CNOT8: variants seen among roughly 807,000 people sequenced by gnomAD.
CNOT8 encodes the protein CCR4-NOT transcription complex subunit 8.
In CNOT8, 18 loss-of-function variants were observed where a neutral mutation model predicts 34.6. The observed-to-expected ratio is 0.52, with a 90% CI of 0.36 to 0.77. CNOT8 has a LOEUF of 0.77. CNOT8 is among the 30% of genes least tolerant of loss of function. The pLI is 0.00. For synonymous variants in CNOT8, 101 were observed against 118.8 expected, an observed-to-expected ratio of 0.85 and a Z score of 0.98; for missense variants, 189 against 347.9, an observed-to-expected ratio of 0.54 and a Z score of 3.63.
At chr5:154,870,962 C>T in intron 4 of CNOT8, 140 bp downstream of exon 4, 1 of 732,988 alleles carries the variant, frequency 1.4e-6, no homozygotes, top group Non-Finnish European at 2.3e-6. Flanking sequence ...GCTTGTTGCC[C>T]ATGTTTCAGT....
intron 2 of CNOT8, among the ~76,000 whole-genome samples, chr5:154,863,724 A>C (rs547927996): frequency 6.6e-6 from 1 of 152,368 alleles, no homozygotes; most frequent in African/African-American, 2.4e-5. Flanking sequence ...TGAAATATCA[A>C]GGTAGCCAGT....
At chr5:154,865,495 G>A in intron 3 of CNOT8, 110 bp downstream of exon 3, 2 of 640,016 alleles carry the variant, frequency 3.1e-6, no homozygotes, top group Non-Finnish European at 5.0e-6. Context: ...ATCTCAGCAA[G>A]TGAAGTCCTG....
chr5:154,868,049 GCCTCA>G (rs1762070510), intron 3 of CNOT8, among the ~76,000 whole-genome samples: 4 of 151,514 alleles, frequency 2.6e-5, no homozygotes, highest in African/African-American at 9.7e-5. Context: ...CAGTTCTCCT[GCCTCA>G]GCCTCCCGAG....
chr5:154,870,854 A>T, intron 4 of CNOT8, 32 bp downstream of exon 4: 1 of 1,564,026 alleles, frequency 6.4e-7, no homozygotes, highest in Non-Finnish European at 8.7e-7. Context: ...TTTCTCTCTC[A>T]CTTTGGGCTA....
At chr5:154,871,984 G>A (rs975771827) in intron 5 of CNOT8, 110 bp downstream of exon 5, 2 of 866,220 alleles carry the variant, frequency 2.3e-6, no homozygotes, top group East Asian at 2.6e-5. Flanking sequence ...AGATGCTAGT[G>A]TGGTGGTAGA....
chr5:154,870,887 C>A (rs1762425653), intron 4 of CNOT8, 65 bp downstream of exon 4: 1 of 1,442,468 alleles, frequency 6.9e-7, no homozygotes, highest in Non-Finnish European at 9.5e-7. Flanking sequence ...GAATTGAATT[C>A]TTAGTCATTT....
chr5:154,869,280 C>T (rs816724), intron 3 of CNOT8, among the ~76,000 whole-genome samples: 1,897 of 151,846 alleles, frequency 0.012, 21 homozygotes, highest in Non-Finnish European at 0.015. Flanking sequence ...CCACCACGCC[C>T]TGCTAATTTT....
chr5:154,860,977 T>G (rs1261662294), intron 1 of CNOT8, among the ~76,000 whole-genome samples: 2 of 152,112 alleles, frequency 1.3e-5, no homozygotes, highest in South Asian at 4.1e-4. Context: ...AACTCAGGAG[T>G]GATACACCCA....
intron 3 of CNOT8, among the ~76,000 whole-genome samples, chr5:154,869,616 G>GT (rs199934193): frequency 3.0e-4 from 37 of 121,730 alleles, no homozygotes; most frequent in African/African-American, 8.9e-4. Flanking sequence ...GCTAATTTTT[G>GT]TTTTTTTGTG....
intron 3 of CNOT8, among the ~76,000 whole-genome samples, chr5:154,869,663 TC>T (rs1369811103): frequency 6.7e-6 from 1 of 149,150 alleles, no homozygotes; most frequent in Non-Finnish European, 1.5e-5. Context: ...TCTCGCTCTG[TC>T]ATCAGGCTGG....
rs867114415 is a variant in CNOT8 at position 154,869,506 on chromosome 5, G to A, written c.312-1155G>A. Among the ~76,000 whole-genome samples, 151 of 150,086 alleles carry A rather than the reference G, an allele frequency of 1.0e-3. 1 individual carries two copies. Among genetic ancestry groups the A allele is most frequent in the Admixed American group, 9.7e-3 (146 of 15,046 alleles). ...GTCTCCTAGGCTGGAGTACAGTGGC[G>A]CCATCTTGGCTCACTGCAGCCTTTG... On this transcript the variant is annotated intron_variant, in intron 3 of 6. Transcript: ENST00000285896.
At chr5:154,869,591 A>G (rs1361245789) in intron 3 of CNOT8, among the ~76,000 whole-genome samples, 1 of 149,178 alleles carries the variant, frequency 6.7e-6, no homozygotes, top group Non-Finnish European at 1.5e-5. Flanking sequence ...ATTCAGGGGC[A>G]TGCCACCACG....
chr5:154,860,291 TATG>T (rs58094991), intron 1 of CNOT8, among the ~76,000 whole-genome samples: 7 of 151,574 alleles, frequency 4.6e-5, no homozygotes, highest in East Asian at 1.9e-4. Flanking sequence ...GAATTGCTGG[TATG>T]ATGATGATGA....
chr5:154,871,439 A>G (rs1299750002), intron 4 of CNOT8, among the ~76,000 whole-genome samples: 3 of 151,878 alleles, frequency 2.0e-5, no homozygotes, highest in Non-Finnish European at 4.4e-5. Flanking sequence ...GGTGCCTGTA[A>G]TCCCAGCTAC....
At chr5:154,871,110 T>C (rs186176578) in intron 4 of CNOT8, among the ~76,000 whole-genome samples, 2 of 152,346 alleles carry the variant, frequency 1.3e-5, no homozygotes, top group East Asian at 3.9e-4. Context: ...ATCTTTTAAA[T>C]GGCTGTCTCG....
intron 3 of CNOT8, 180 bp from the exon 4 acceptor site, chr5:154,870,481 C>A (rs1179272995): frequency 1.3e-5 from 6 of 447,814 alleles, no homozygotes; most frequent in Non-Finnish European, 2.4e-5. Context: ...TTCTATCTGT[C>A]ACAGAAATAT....
Position 154,865,218 on chromosome 5 carries a change from G to A in CNOT8, c.144G>A (p.Val48=). ...ACACAGAATTTCCAGGTGTTGTGGT[G>A]CGACCAATTGGTGAATTTCGTAGTT... ...AMDTEFPGVV[V]RPIGEFRSSI... The change falls in exon 3 of 7, where the codon GTG becomes GTA. Residue 48 remains valine (V), a synonymous_variant. Coordinates refer to ENST00000285896, the MANE Select transcript of CNOT8 (RefSeq NM_001301073.2). 1 of 1,601,680 alleles carries A rather than the reference G, an allele frequency of 6.2e-7. No homozygotes were observed. The highest frequency in any genetic ancestry group is 8.5e-7 in the Non-Finnish European group (1 of 1,175,780).
At chr5:154,866,529 T>G (rs146918311) in intron 3 of CNOT8, among the ~76,000 whole-genome samples, 1 of 152,344 alleles carries the variant, frequency 6.6e-6, no homozygotes, top group East Asian at 1.9e-4. Flanking sequence ...AGCCTGTAGT[T>G]TGTACCATAA....
chr5:154,876,093 C>T lies in CNOT8; in HGVS notation c.*654C>T, dbSNP rs926837863. 2.0e-5 allele frequency: 3 copies of T among 152,284 alleles called. No individual in the cohort carries two copies. The highest frequency in any genetic ancestry group is 7.2e-5 in the African/African-American group (3 of 41,466). 9.4% of individuals were successfully genotyped at this position (152,284 alleles called of 1,614,324 possible). On this transcript the variant is annotated 3_prime_UTR_variant, in exon 7 of 7. Coordinates refer to ENST00000285896, the MANE Select transcript of CNOT8 (RefSeq NM_001301073.2). ...TTACTGAATCTGTCTACCCTTCATT[C>T]ATGAGAACTCCAGAATGAGTGTTGA... is the stretch of plus-strand genomic sequence containing the variant.
Sources: allele counts gnomAD v4.1 joint callset (sites outside exome capture counted in the v4.1 genomes callset), GRCh38; gene constraint gnomAD v4.1.1; transcripts MANE v1.5; gene names NCBI Gene and HGNC (gene_info 2026-07-23, HGNC 2026-07-21).